PPARG: variants seen among roughly 807,000 people sequenced by gnomAD.
The protein encoded by PPARG is peroxisome proliferator activated receptor gamma.
In PPARG, 17 loss-of-function variants were observed where a neutral mutation model predicts 39.2. The ratio of observed to expected loss-of-function variants is 0.43; its 90% CI spans 0.30 to 0.65. The LOEUF (loss-of-function observed/expected upper bound fraction) is 0.65, where lower values mean the gene tolerates loss of function less well. PPARG is among the 30% of genes least tolerant of loss of function. PPARG has a pLI of 0.13. For missense variants in PPARG, 406 were observed against 585.9 expected (o/e 0.69, Z 3.17); for synonymous variants, 223 against 215.7 (o/e 1.03, Z -0.30).
At chr3:12,299,556 G>A (rs1366870815) in intron 1 of PPARG, among the ~76,000 whole-genome samples, 1 of 152,130 alleles carries the variant, frequency 6.6e-6, no homozygotes, top group South Asian at 2.1e-4. Flanking sequence ...TTCAGAGGAG[G>A]TAAGAATGAA....
chr3:12,321,228 C>A (rs2047534226), intron 2 of PPARG, among the ~76,000 whole-genome samples: 1 of 152,154 alleles, frequency 6.6e-6, no homozygotes. Flanking sequence ...ATCAGCTGGG[C>A]TGGGATGAGT....
At chr3:12,298,298 CAAAAAAAAAAAAAAAAAAAAAAAAAA>C (rs58459399) in intron 1 of PPARG, among the ~76,000 whole-genome samples, 4 of 41,358 alleles carry the variant, frequency 9.7e-5, no homozygotes, top group Non-Finnish European at 1.4e-4. Context: ...GACTCTGTCT[CAAAAAAAAAAAAAAAAAAAAAAAAAA>C]AAAGAAATGT....
intron 1 of PPARG, among the ~76,000 whole-genome samples, chr3:12,290,164 A>G (rs1174262036): frequency 6.6e-6 from 1 of 152,118 alleles, no homozygotes; most frequent in East Asian, 1.9e-4. Context: ...ACTTGAAGGA[A>G]AAGAGAAACA....
intron 7 of PPARG, among the ~76,000 whole-genome samples, chr3:12,431,532 A>G (rs528752773): frequency 2.6e-5 from 4 of 152,340 alleles, no homozygotes; most frequent in African/African-American, 7.2e-5. Context: ...AAAACACACA[A>G]TTTTTAAAAA....
At position 12,335,645 on chromosome 3, in the gene PPARG, C is replaced by T. The variant is rs535020309; in HGVS notation, c.-9+23192C>T. Among the ~76,000 whole-genome samples, 29 of 152,300 alleles carry T rather than the reference C, an allele frequency of 1.9e-4. No homozygotes were observed. The South Asian group carries it at 3.7e-3, about 20-fold the overall frequency. On this transcript the variant is annotated intron_variant, in intron 2 of 7. Transcript: ENST00000651735. ...ACAATTCTTAATGCAAGAGAGCCTA[C>T]GGCAAAAACTTTGCAATTCTCACCC...
intron 1 of PPARG, among the ~76,000 whole-genome samples, chr3:12,296,254 C>CAAAAAAAAAA (rs545210244): frequency 3.5e-4 from 17 of 48,632 alleles, no homozygotes; most frequent in East Asian, 2.4e-3. Context: ...CACTTTGTCT[C>CAAAAAAAAAA]AAAAAAAAAA....
intron 2 of PPARG, among the ~76,000 whole-genome samples, chr3:12,319,386 G>A (rs74927347): frequency 1.6e-5 from 2 of 126,690 alleles, no homozygotes; most frequent in African/African-American, 2.5e-5. Flanking sequence ...CAATCATTTT[G>A]TAGGAGTATA....
intron 2 of PPARG, among the ~76,000 whole-genome samples, chr3:12,325,022 C>T (rs958583325): frequency 1.3e-5 from 2 of 151,824 alleles, no homozygotes; most frequent in Non-Finnish European, 2.9e-5. Context: ...CGTGGTGGCT[C>T]AAGCCTGTAA....
rs1441242852 is a variant in PPARG at position 12,379,787 on chromosome 3, C to G, written c.76C>G (p.His26Asp). The change falls in exon 3 of 8, where the codon CAC becomes GAC. Residue 26 changes from histidine (H) to aspartate (D), a missense_variant. By Grantham distance (81) the His-to-Asp change is moderately conservative (BLOSUM62 -1). Coordinates refer to ENST00000651735, the MANE Select transcript of PPARG (RefSeq NM_138711.6). ...CGTGGATCTCTCCGTAATGGAAGAC[C>G]ACTCCCACTCCTTTGATATCAAGCC... The part of the protein sequence containing the change: ...SSVDLSVMED[H>D]SHSFDIKPFT... 1.2e-6 allele frequency: 2 copies of G among 1,613,990 alleles called. No homozygotes were observed. The highest frequency in any genetic ancestry group is 1.7e-6 in the Non-Finnish European group (2 of 1,179,942).
At chr3:12,339,945 G>T in intron 2 of PPARG, among the ~76,000 whole-genome samples, 1 of 152,170 alleles carries the variant, frequency 6.6e-6, no homozygotes, top group East Asian at 1.9e-4. Context: ...AGGTCTTTCA[G>T]GTACACAGTT....
At chr3:12,365,106 G>T (rs575638319) in intron 2 of PPARG, among the ~76,000 whole-genome samples, 1 of 152,204 alleles carries the variant, frequency 6.6e-6, no homozygotes, top group African/African-American at 2.4e-5. Flanking sequence ...GATCCCTTGC[G>T]TGCACAGTTC....
intron 1 of PPARG, among the ~76,000 whole-genome samples, chr3:12,290,833 A>G (rs2046630796): frequency 6.6e-6 from 1 of 152,198 alleles, no homozygotes; most frequent in Non-Finnish European, 1.5e-5. Context: ...TTTAGTTTTC[A>G]GGTTATAAAA....
Position 12,291,321 on chromosome 3 carries a change from A to T in PPARG, c.-83+2187A>T, listed in dbSNP as rs113934882. 2.2e-4 allele frequency among the ~76,000 whole-genome samples: 33 copies of T among 152,302 alleles called. 2 individuals carry two copies. Among genetic ancestry groups the T allele is most frequent in the African/African-American group, 4.1e-4 (17 of 41,570 alleles). ...TGCTTACAAAGGTCCTTTGAAACGGATCTAATTTGACTCCACAAAAGAATA... is the reference window on the plus strand; with the variant it reads ...TGCTTACAAAGGTCCTTTGAAACGGTTCTAATTTGACTCCACAAAAGAATA... On this transcript the variant is annotated intron_variant, in intron 1 of 7. Transcript: ENST00000651735.
intron 6 of PPARG, among the ~76,000 whole-genome samples, chr3:12,415,123 C>T (rs1332425867): frequency 1.3e-5 from 2 of 152,192 alleles, no homozygotes; most frequent in Middle Eastern, 3.2e-3. Flanking sequence ...AGAGAATTGT[C>T]AGCATCTCTG....
chr3:12,329,517 A>G (rs2047790749), intron 2 of PPARG, among the ~76,000 whole-genome samples: 1 of 152,238 alleles, frequency 6.6e-6, no homozygotes, highest in Admixed American at 6.5e-5. Context: ...AAATTTTCCT[A>G]TGAAAACCAT....
chr3:12,304,199 A>G (rs1438808021), intron 1 of PPARG, among the ~76,000 whole-genome samples: 1 of 152,220 alleles, frequency 6.6e-6, no homozygotes, highest in Non-Finnish European at 1.5e-5. Flanking sequence ...TGACCTGTAA[A>G]TCATTCATTC....
intron 1 of PPARG, among the ~76,000 whole-genome samples, chr3:12,295,380 A>T (rs984067363): frequency 1.2e-4 from 19 of 152,194 alleles, no homozygotes; most frequent in Non-Finnish European, 2.6e-4. Context: ...TGAAGAAAAT[A>T]CCCAGGCATT....
chr3:12,384,626 A>G (rs2049806335), intron 4 of PPARG, among the ~76,000 whole-genome samples: 1 of 152,166 alleles, frequency 6.6e-6, no homozygotes, highest in Non-Finnish European at 1.5e-5. Flanking sequence ...GGCTTCTTCA[A>G]GTATACATCA....
intron 5 of PPARG, among the ~76,000 whole-genome samples, chr3:12,402,023 G>A (rs2050493105): frequency 6.6e-6 from 1 of 152,138 alleles, no homozygotes. Context: ...GGCTATCTTT[G>A]GCTGTTTGTC....
Sources: gnomAD v4.1 joint callset for allele counts (sites outside exome capture counted in the v4.1 genomes callset) on GRCh38, gnomAD v4.1.1 for gene constraint, MANE v1.5 for transcripts, NCBI Gene and HGNC (gene_info 2026-07-23, HGNC 2026-07-21) for gene names.